The following VANGL1 variants were observed in gnomAD, a reference collection of about 807,000 sequenced individuals.
The protein encoded by VANGL1 is vang-like protein 1.
Under a neutral mutation model 48.4 loss-of-function variants are expected in VANGL1, and 18 were observed. The ratio of observed to expected loss-of-function variants is 0.37; its 90% CI spans 0.26 to 0.55. VANGL1 has a LOEUF of 0.55. Ranked by LOEUF, VANGL1 falls within the 20% of genes least tolerant of loss-of-function variation. The pLI is 0.81. For missense variants in VANGL1, 667 were observed against 675.8 expected (o/e 0.99, Z 0.14); for synonymous variants, 257 against 261.8 (o/e 0.98, Z 0.18).
intron 4 of VANGL1, among the ~76,000 whole-genome samples, chr1:115,666,167 G>T: frequency 6.6e-6 from 1 of 152,230 alleles, no homozygotes; most frequent in East Asian, 1.9e-4. Flanking sequence ...ACACTGGCCA[G>T]GAGTGAGGTC....
chr1:115,691,453 T>C lies in VANGL1; in HGVS notation c.*74T>C. On this transcript the variant is annotated 3_prime_UTR_variant, in exon 8 of 8. Coordinates refer to ENST00000355485, the MANE Select transcript of VANGL1 (RefSeq NM_138959.3). ...GAGATATATATCTATGCCAGAGGGGTGTCTTTTTTAAAAATTCTTCTTCAT... is the reference window on the plus strand; with the variant it reads ...GAGATATATATCTATGCCAGAGGGGCGTCTTTTTTAAAAATTCTTCTTCAT... The C allele has an allele frequency of 6.7e-7, 1 of 1,488,474 alleles. No individual in the cohort carries two copies. Among genetic ancestry groups the C allele is most frequent in the Non-Finnish European group, 9.0e-7 (1 of 1,111,722 alleles). The allele number at this position is 1,488,474 out of a possible 1,614,324, so 92.2% of individuals were successfully genotyped here. A position where few individuals can be genotyped will look rare whatever the true frequency, so the allele number is the denominator to read the frequency against.
At chr1:115,656,137 TG>T (rs1409886408) in intron 2 of VANGL1, among the ~76,000 whole-genome samples, 1 of 152,160 alleles carries the variant, frequency 6.6e-6, no homozygotes, top group African/African-American at 2.4e-5. Context: ...CACTTGACAG[TG>T]GGTGGAAGGT....
At chr1:115,666,506 C>T (rs1332107975) in intron 4 of VANGL1, among the ~76,000 whole-genome samples, 3 of 152,202 alleles carry the variant, frequency 2.0e-5, no homozygotes, top group Admixed American at 6.5e-5. Flanking sequence ...ACTGATTGTG[C>T]TGCATGGCTC....
chr1:115,663,803 C>G lies in VANGL1; in HGVS notation c.347C>G (p.Ala116Gly). Residue 116 changes from alanine to glycine, a missense_variant, in exon 4 of 8, where the codon GCC becomes GGC. Transcript: ENST00000355485. ...DCKRYLGLTV[A>G]SFLGLLVFLT... Reference sequence around the variant, plus strand: ...AAACGCTACCTGGGCCTCACCGTCGCCTCTTTTCTTGGACTTCTAGTTTTC... The same window carrying G: ...AAACGCTACCTGGGCCTCACCGTCGGCTCTTTTCTTGGACTTCTAGTTTTC... 1 of 1,614,168 alleles carries G rather than the reference C, an allele frequency of 6.2e-7. No homozygotes were observed. Among genetic ancestry groups the G allele is most frequent in the East Asian group, 2.2e-5 (1 of 44,870 alleles).
In VANGL1 at chr1:115,689,448, A is replaced by G. The variant is rs1653753946; in HGVS notation, c.1315-1671A>G. ...GGAGTTCGAGACCAGCTTGGCCCAC[A>G]TGGTGAAACTCCGTCTCTACTAAAA... On this transcript the variant is annotated intron_variant, in intron 7 of 7. Coordinates refer to ENST00000355485, the MANE Select transcript of VANGL1 (RefSeq NM_138959.3). Among the ~76,000 whole-genome samples the G allele has an allele frequency of 1.5e-5, 2 of 135,984 alleles. 1 individual carries two copies. The highest frequency in any genetic ancestry group is 1.5e-4 in the Admixed American group (2 of 13,088). The allele number at this position is 135,984 out of a possible 152,430, so 89.2% of individuals were successfully genotyped here. A position where few individuals can be genotyped will look rare whatever the true frequency, so the allele number is the denominator to read the frequency against.
rs1162401589 is a variant in VANGL1, at chr1:115,663,797, C to T, written c.341C>T (p.Thr114Ile). 1.2e-6 allele frequency: 2 copies of T among 1,614,226 alleles called. No individual in the cohort carries two copies. The highest frequency in any genetic ancestry group is 3.3e-5 in the Admixed American group (2 of 60,036). Residue 114 changes from threonine to isoleucine, a missense_variant, in exon 4 of 8, where the codon ACC becomes ATC. By Grantham distance (89) the Thr-to-Ile change is moderately conservative (BLOSUM62 -1). Coordinates refer to ENST00000355485, the MANE Select transcript of VANGL1 (RefSeq NM_138959.3). ...GLDCKRYLGL[T>I]VASFLGLLVF... The stretch of plus-strand genomic sequence containing the variant: ...GATTGCAAACGCTACCTGGGCCTCA[C>T]CGTCGCCTCTTTTCTTGGACTTCTA...
At chr1:115,683,908 T>G (rs781464634) in intron 5 of VANGL1, 36 bp from the exon 6 acceptor site, 1 of 1,610,224 alleles carries the variant, frequency 6.2e-7, no homozygotes, top group Non-Finnish European at 8.5e-7. Flanking sequence ...ACCCTCGTGG[T>G]ATTAACACTA....
At chr1:115,656,355 C>A (rs1652355763) in intron 2 of VANGL1, among the ~76,000 whole-genome samples, 2 of 152,214 alleles carry the variant, frequency 1.3e-5, no homozygotes, top group Non-Finnish European at 2.9e-5. Context: ...CACTCAGCAA[C>A]CTCCTCCTAG....
rs886045150 is a variant in VANGL1, at chr1:115,697,372, C to G, written c.*5993C>G. On this transcript the variant is annotated 3_prime_UTR_variant, in exon 8 of 8. Transcript: ENST00000355485. ...AAAAGGGAACATACAAAAATCTAAA[C>G]TATGGCAATAATTTATTTTTATAAT... The G allele has an allele frequency of 5.9e-5, 9 of 152,180 alleles. No individual in the cohort carries two copies. The highest frequency in any genetic ancestry group is 2.0e-4 in the Admixed American group (3 of 15,276). 9.4% of individuals were successfully genotyped at this position (152,180 alleles called of 1,614,324 possible). A position where few individuals can be genotyped will look rare whatever the true frequency, so the allele number is the denominator to read the frequency against.
intron 2 of VANGL1, among the ~76,000 whole-genome samples, chr1:115,654,760 C>G (rs1652281899): frequency 6.6e-6 from 1 of 152,118 alleles, no homozygotes; most frequent in Admixed American, 6.6e-5. Flanking sequence ...AACAGAGCAG[C>G]TGCCAGTTAT....
intron 4 of VANGL1, among the ~76,000 whole-genome samples, chr1:115,674,624 C>T (rs1653097762): frequency 6.6e-6 from 1 of 152,164 alleles, no homozygotes; most frequent in African/African-American, 2.4e-5. Flanking sequence ...GGGGAATTAG[C>T]ATACAAGAAG....
At chr1:115,668,509 A>G (rs918017234) in intron 4 of VANGL1, among the ~76,000 whole-genome samples, 5 of 152,182 alleles carry the variant, frequency 3.3e-5, no homozygotes, top group Admixed American at 3.3e-4. Flanking sequence ...TTAACTTCCT[A>G]TACTTCACAT....
At chr1:115,644,906 A>G (rs1651860875) in intron 1 of VANGL1, among the ~76,000 whole-genome samples, 1 of 152,142 alleles carries the variant, frequency 6.6e-6, no homozygotes, top group Non-Finnish European at 1.5e-5. Context: ...CAAAGTTGAC[A>G]TTTTCTTTCC....
At chr1:115,656,014 A>G (rs1652341439) in intron 2 of VANGL1, among the ~76,000 whole-genome samples, 1 of 152,208 alleles carries the variant, frequency 6.6e-6, no homozygotes, top group South Asian at 2.1e-4. Flanking sequence ...TAATTTTCTA[A>G]TAATTGTTTT....
At chr1:115,666,204 A>G (rs1652779760) in intron 4 of VANGL1, among the ~76,000 whole-genome samples, 1 of 152,158 alleles carries the variant, frequency 6.6e-6, no homozygotes, top group Non-Finnish European at 1.5e-5. Flanking sequence ...TTTGGCCCTT[A>G]GCCCTAGTTG....
chr1:115,651,463 C>T lies in VANGL1; in HGVS notation c.50C>T (p.Ser17Leu), dbSNP rs766585358. ...YSGYSYYSSH[S>L]KKSHRQGERT... is the part of the protein sequence containing the mutation. The stretch of plus-strand genomic sequence containing the variant: ...GGATATTCTTACTATTCAAGTCATT[C>T]GAAAAAATCTCACAGACAAGGGTAT... Residue 17 changes from serine (S) to leucine (L), a missense_variant, in exon 2 of 8, where the codon TCG becomes TTG. Ser to Leu is a moderately radical substitution (Grantham distance 145). Transcript: ENST00000355485. The T allele has an allele frequency of 2.9e-5, 46 of 1,613,860 alleles. No individual in the cohort carries two copies. Among genetic ancestry groups the T allele is most frequent in the Non-Finnish European group, 3.4e-5 (40 of 1,179,956 alleles).
chr1:115,691,585 C>CGACAAAAGTCAGA lies in VANGL1; in HGVS notation c.*206_*207insGACAAAAGTCAGA. 1.7e-6 allele frequency: 1 copy of CGACAAAAGTCAGA among 579,046 alleles called. No individual in the cohort carries two copies. The highest frequency in any genetic ancestry group is 2.9e-6 in the Non-Finnish European group (1 of 349,676). 35.9% of individuals were successfully genotyped at this position (579,046 alleles called of 1,614,324 possible). ...CCTGAAAAAGAGTGACTGATGACATCTGACTTTTGTCGATGGGACTTCTCA... is the reference window on the plus strand; with the variant it reads ...CCTGAAAAAGAGTGACTGATGACATCGACAAAAGTCAGATGACTTTTGTCGATGGGACTTCTCA... On this transcript the variant is annotated 3_prime_UTR_variant, in exon 8 of 8. Coordinates refer to ENST00000355485, the MANE Select transcript of VANGL1 (RefSeq NM_138959.3).
chr1:115,662,975 C>T lies in VANGL1; in HGVS notation c.205-686C>T, dbSNP rs534577957. Among the ~76,000 whole-genome samples, 13 of 152,114 alleles carry T rather than the reference C, an allele frequency of 8.5e-5. No homozygotes were observed. The South Asian group carries it at 1.9e-3, about 22-fold the overall frequency. On this transcript the variant is annotated intron_variant, in intron 3 of 7. Transcript: ENST00000355485. Reference sequence around the variant, plus strand: ...CTAATTTTTGTATTTTTAGTAGAGACGGGGTTTCACCATGTTGGCCAGGAT... The same window carrying T: ...CTAATTTTTGTATTTTTAGTAGAGATGGGGTTTCACCATGTTGGCCAGGAT...
intron 4 of VANGL1, among the ~76,000 whole-genome samples, chr1:115,678,653 C>G (rs1350599971): frequency 1.3e-5 from 2 of 152,140 alleles, no homozygotes; most frequent in African/African-American, 4.8e-5. Context: ...ATAGCTTACT[C>G]TCTTCAAAAC....
Sources: gnomAD v4.1 joint callset for allele counts (sites outside exome capture counted in the v4.1 genomes callset) on GRCh38, gnomAD v4.1.1 for gene constraint, MANE v1.5 for transcripts, NCBI Gene and HGNC (gene_info 2026-07-23, HGNC 2026-07-21) for gene names.